Variants in TUT7 observed in about 807,000 individuals in gnomAD.
TUT7 encodes terminal uridylyl transferase 7, also known as terminal uridylyltransferase 7.
Under a neutral mutation model 165.9 loss-of-function variants are expected in TUT7, and 33 were observed. The observed-to-expected ratio is 0.20, with a 90% confidence interval of 0.15 to 0.27. The LOEUF (loss-of-function observed/expected upper bound fraction) is 0.27. Ranked by LOEUF, TUT7 falls within the 10% of genes least tolerant of loss-of-function variation. TUT7 has a pLI of 1.00. For missense variants in TUT7, 1,338 were observed against 1,762.3 expected (o/e 0.76, Z 4.31); for synonymous variants, 552 against 608.1 (o/e 0.91, Z 1.36).
chr9:86,297,857 T>A lies in TUT7; in HGVS notation c.4420+3419A>T, dbSNP rs1379646518. Among the ~76,000 whole-genome samples, 3 of 150,530 alleles carry A rather than the reference T, an allele frequency of 2.0e-5. No homozygotes were observed. In the Admixed American group the frequency reaches 2.0e-4, roughly 10 times the overall value. On this transcript the variant is annotated intron_variant, in intron 26 of 26. Transcript: ENST00000375963. The stretch of plus-strand genomic sequence containing the variant: ...ACCTACCACTGCTGAAGGCGCTTCA[T>A]AACCCAGATCTATCCACCCTCTGAC...
Position 86,309,459 on chromosome 9 carries a change from A to G in TUT7, c.3582+4T>C. On this transcript the variant is annotated splice_donor_region_variant and intron_variant, in intron 20 of 26. Transcript: ENST00000375963. The stretch of plus-strand genomic sequence containing the variant: ...ATAAGAAATACAATTTCATTCACTA[A>G]TACCTCTTGAAGGACAGGAATGACT... The G allele has an allele frequency of 6.2e-7, 1 of 1,602,214 alleles. No homozygotes were observed. The highest frequency in any genetic ancestry group is 8.5e-7 in the Non-Finnish European group (1 of 1,173,400).
At position 86,323,395 on chromosome 9, in the gene TUT7, G is replaced by A. The variant is rs746821206; in HGVS notation, c.2355C>T (p.Ser785=). The A allele has an allele frequency of 6.2e-7, 1 of 1,614,088 alleles. No homozygotes were observed. Among genetic ancestry groups the A allele is most frequent in the Non-Finnish European group, 8.5e-7 (1 of 1,180,020 alleles). ...CGSTRNNESE[S]TLDLEGFQNP... is the part of the protein sequence containing the mutation. The stretch of plus-strand genomic sequence containing the variant: ...TTTGGAAGCCTTCTAAATCCAAAGT[G>A]CTCTCTGACTCATTATTACGTGTGC... Residue 785 remains serine, a synonymous_variant, in exon 13 of 27, where the codon AGC becomes AGT. Transcript: ENST00000375963.
rs1831772420 is a variant in TUT7 at position 86,346,435 on chromosome 9, C to G, written c.566G>C (p.Arg189Thr). 1 of 1,613,948 alleles carries G rather than the reference C, an allele frequency of 6.2e-7. No homozygotes were observed. The highest frequency in any genetic ancestry group is 8.5e-7 in the Non-Finnish European group (1 of 1,179,964). The change falls in exon 3 of 27, where the codon AGA (arginine) becomes ACA (threonine). Residue 189 changes from arginine (R) to threonine (T), a missense_variant. Coordinates refer to ENST00000375963, the MANE Select transcript of TUT7 (RefSeq NM_024617.4). ...TCCATCCTGCTCATTTTCCTCATTTCTAGTCTTCCGTGGCTTCCTAGGTCT... is the reference window on the plus strand; with the variant it reads ...TCCATCCTGCTCATTTTCCTCATTTGTAGTCTTCCGTGGCTTCCTAGGTCT... ...RSRPRKPRKT[R>T]NEENEQDGDL...
chr9:86,288,580 G>A lies in TUT7; in HGVS notation c.*97C>T. 1 of 804,468 alleles carries A rather than the reference G, an allele frequency of 1.2e-6. No individual in the cohort carries two copies. The allele number at this position is 804,468 out of a possible 1,614,324, so 49.8% of individuals were successfully genotyped here. A position where few individuals can be genotyped will look rare whatever the true frequency, so the allele number is the denominator to read the frequency against. ...CATTTCCCTTAAATGTTAAGTTGAA[G>A]CCTGATCTACACTGCTGTGTCCTGT... is the stretch of plus-strand genomic sequence containing the variant. On this transcript the variant is annotated 3_prime_UTR_variant, in exon 27 of 27. Coordinates refer to ENST00000375963, the MANE Select transcript of TUT7 (RefSeq NM_024617.4).
chr9:86,317,279 A>T lies in TUT7; in HGVS notation c.3217-3T>A. 2 of 1,612,880 alleles carry T rather than the reference A, an allele frequency of 1.2e-6. No individual in the cohort carries two copies. Among genetic ancestry groups the T allele is most frequent in the South Asian group, 2.2e-5 (2 of 90,808 alleles). The stretch of plus-strand genomic sequence containing the variant: ...ATAGTTCTGACACAGTCCAATCCCT[A>T]CAACAAAGAAGGCATAAAGAACTTA... On this transcript the variant is annotated splice_polypyrimidine_tract_variant and splice_region_variant and intron_variant, in intron 16 of 26. Transcript: ENST00000375963.
Position 86,301,179 on chromosome 9 carries a change from T to A in TUT7, c.4420+97A>T, listed in dbSNP as rs1826855719. ...GATCTTTTTTGAGTAAATATATTGA[T>A]AAAGAAATAAAGATAACTAAAATAG... is the stretch of plus-strand genomic sequence containing the variant. On this transcript the variant is annotated intron_variant, in intron 26 of 26. Coordinates refer to ENST00000375963, the MANE Select transcript of TUT7 (RefSeq NM_024617.4). 5 of 1,104,730 alleles carry A rather than the reference T, an allele frequency of 4.5e-6. 1 individual carries two copies. The East Asian group carries it at 1.3e-4, about 28-fold the overall frequency. The allele number at this position is 1,104,730 out of a possible 1,614,324, so 68.4% of individuals were successfully genotyped here.
intron 26 of TUT7, among the ~76,000 whole-genome samples, chr9:86,295,732 A>G (rs1424829427): frequency 1.3e-5 from 2 of 152,172 alleles, no homozygotes; most frequent in East Asian, 3.8e-4. Context: ...AAAAGCTGTA[A>G]AAGAATACAT....
chr9:86,340,673 T>C (rs917014106), intron 7 of TUT7, among the ~76,000 whole-genome samples: 6 of 152,246 alleles, frequency 3.9e-5, no homozygotes, highest in African/African-American at 1.4e-4. Context: ...ATACTGATTT[T>C]AACCATTGAT....
chr9:86,318,331 G>A (rs1284973689), intron 16 of TUT7, among the ~76,000 whole-genome samples: 1 of 152,192 alleles, frequency 6.6e-6, no homozygotes, highest in Non-Finnish European at 1.5e-5. Context: ...GGCAGCCATA[G>A]ACATTACATA....
intron 14 of TUT7, among the ~76,000 whole-genome samples, chr9:86,319,948 T>C (rs1400989135): frequency 3.3e-5 from 5 of 152,164 alleles, no homozygotes; most frequent in Non-Finnish European, 7.4e-5. Flanking sequence ...TCTTCCCACC[T>C]CAGCCTCCCG....
intron 25 of TUT7, among the ~76,000 whole-genome samples, chr9:86,302,444 C>T (rs952580107): frequency 6.6e-6 from 1 of 152,178 alleles, no homozygotes; most frequent in Non-Finnish European, 1.5e-5. Flanking sequence ...ACTCATTTGA[C>T]TGTTTACTGA....
At chr9:86,348,653 T>C (rs746852446) in intron 2 of TUT7, among the ~76,000 whole-genome samples, 7 of 152,078 alleles carry the variant, frequency 4.6e-5, no homozygotes, top group Non-Finnish European at 1.0e-4. Flanking sequence ...CTCAGGAGGC[T>C]GAGACGGAAG....
chr9:86,351,344 G>A lies in TUT7; in HGVS notation c.520+1336C>T, dbSNP rs185091911. On this transcript the variant is annotated intron_variant, in intron 2 of 26. Transcript: ENST00000375963. Reference sequence around the variant, plus strand: ...CCAGCTACTTTGGGGGATGAGACAGGAGAATCGCTTGAACCCAGGAGGCAG... The same window carrying A: ...CCAGCTACTTTGGGGGATGAGACAGAAGAATCGCTTGAACCCAGGAGGCAG... Among the ~76,000 whole-genome samples the A allele has an allele frequency of 4.6e-5, 7 of 152,268 alleles. No homozygotes were observed. The East Asian group carries it at 1.3e-3, about 29-fold the overall frequency.
intron 26 of TUT7, among the ~76,000 whole-genome samples, chr9:86,292,608 A>T (rs1022176539): frequency 7.8e-5 from 10 of 127,978 alleles, no homozygotes; most frequent in African/African-American, 2.6e-4. Flanking sequence ...GTCTTTTATT[A>T]AAAAAAAAAA....
At chr9:86,298,731 A>G in intron 26 of TUT7, 5 of 953,518 alleles carry the variant, frequency 5.2e-6, no homozygotes, top group Non-Finnish European at 6.2e-6. Context: ...CAGTAAATAA[A>G]ATAACACACA....
intron 26 of TUT7, chr9:86,298,969 C>A (rs1292735297): frequency 8.7e-6 from 2 of 230,472 alleles, no homozygotes; most frequent in African/African-American, 4.7e-5. Flanking sequence ...AAAAGCAAGA[C>A]CATGGGCAGG....
At chr9:86,322,784 G>A in intron 13 of TUT7, 89 bp downstream of exon 13, 1 of 1,418,270 alleles carries the variant, frequency 7.1e-7, no homozygotes, top group South Asian at 1.5e-5. Flanking sequence ...ACCAAAATAG[G>A]AAAATTCCTA....
intron 26 of TUT7, among the ~76,000 whole-genome samples, chr9:86,292,552 G>A (rs1825976191): frequency 6.6e-6 from 1 of 150,852 alleles, no homozygotes; most frequent in African/African-American, 2.4e-5. Flanking sequence ...CAGAGGAAAC[G>A]ATGTTGGTGA....
chr9:86,328,747 A>AC (rs1830032935), intron 10 of TUT7, among the ~76,000 whole-genome samples: 2 of 152,246 alleles, frequency 1.3e-5, no homozygotes, highest in Non-Finnish European at 2.9e-5. Context: ...AAAATGGCCT[A>AC]GTGGCTGACG....
Sources: gnomAD v4.1 joint callset for allele counts (sites outside exome capture counted in the v4.1 genomes callset) on GRCh38, gnomAD v4.1.1 for gene constraint, MANE v1.5 for transcripts, NCBI Gene and HGNC (gene_info 2026-07-23, HGNC 2026-07-21) for gene names.